The following PLEKHM2 variants were observed in gnomAD, a reference collection of about 807,000 sequenced individuals.
The protein encoded by PLEKHM2 is pleckstrin homology domain-containing family M member 2.
Under a neutral mutation model 116.3 loss-of-function variants are expected in PLEKHM2, and 77 were observed. That is an observed-to-expected ratio of 0.66 (90% CI 0.55 to 0.80). The LOEUF is 0.80. Among genes scored for constraint, PLEKHM2 ranks in the 30% least tolerant of loss-of-function variants. The probability of loss-of-function intolerance (pLI) is 0.00; values close to 1 mark genes in which losing one functional copy is unlikely to be tolerated. For missense variants in PLEKHM2, 1,183 were observed against 1,354.9 expected (o/e 0.87, Z 1.99); for synonymous variants, 562 against 571.0 (o/e 0.98, Z 0.22).
chr1:15,729,880 T>C lies in PLEKHM2; in HGVS notation c.2159T>C (p.Met720Thr), dbSNP rs775970955. The change falls in exon 14 of 20, where the codon ATG (methionine) becomes ACG (threonine). Residue 720 changes from methionine to threonine, a missense_variant. Physicochemically the swap from Met to Thr is moderately conservative, Grantham distance 81. Transcript: ENST00000375799. This position sits in a 1 kb window ranked among gnomAD's most constrained non-coding sequence, Gnocchi z 4.7. ...PYPSILTDATMEKLALAKFVA... is the reference protein window; with the variant it reads ...PYPSILTDATTEKLALAKFVA... ...CCCAGCATCCTGACGGATGCCACCA[T>C]GGAGAAGCTGGCACTGGCCAAATTT... is the stretch of plus-strand genomic sequence containing the variant. 1.9e-6 allele frequency: 3 copies of C among 1,613,242 alleles called. No individual in the cohort carries two copies. Among genetic ancestry groups the C allele is most frequent in the East Asian group, 2.2e-5 (1 of 44,874 alleles).
chr1:15,706,284 C>T (rs1349908913), intron 1 of PLEKHM2, among the ~76,000 whole-genome samples: 2 of 152,198 alleles, frequency 1.3e-5, no homozygotes, highest in African/African-American at 4.8e-5. Context: ...CCCTGAGCTC[C>T]AGCCACACCA....
At chr1:15,715,641 A>G (rs1641429366) in intron 1 of PLEKHM2, among the ~76,000 whole-genome samples, 1 of 152,206 alleles carries the variant, frequency 6.6e-6, no homozygotes, top group Non-Finnish European at 1.5e-5. Flanking sequence ...ACTTTGTCTC[A>G]ATAAAACAAA....
In PLEKHM2 at chr1:15,731,183, C is replaced by A. The variant is rs747230474; in HGVS notation, c.2400-9C>A. On this transcript the variant is annotated splice_polypyrimidine_tract_variant and intron_variant, in intron 15 of 19. Coordinates refer to ENST00000375799, the MANE Select transcript of PLEKHM2 (RefSeq NM_015164.4). ...CAGGCCTCACTCGCCCTGTGTTGTGCCCCTGCAGCAACGGGATCCTCTACC... is the reference window on the plus strand; with the variant it reads ...CAGGCCTCACTCGCCCTGTGTTGTGACCCTGCAGCAACGGGATCCTCTACC... The A allele has an allele frequency of 5.7e-6, 9 of 1,587,346 alleles. No individual in the cohort carries two copies. The highest frequency in any genetic ancestry group is 7.7e-6 in the Non-Finnish European group (9 of 1,165,660).
chr1:15,702,717 C>CT (rs34226783), intron 1 of PLEKHM2, among the ~76,000 whole-genome samples: 1,396 of 89,896 alleles, frequency 0.016, 43 homozygotes, highest in Non-Finnish European at 0.022. Flanking sequence ...CGTGCCCAGC[C>CT]TTTTTTTTTT....
chr1:15,721,012 G>A lies in PLEKHM2; in HGVS notation c.653-317G>A, dbSNP rs2067990375. 3 of 282,374 alleles carry A rather than the reference G, an allele frequency of 1.1e-5. No homozygotes were observed. Among genetic ancestry groups the A allele is most frequent in the Non-Finnish European group, 2.0e-5 (3 of 150,914 alleles). The allele number at this position is 282,374 out of a possible 1,614,324, so 17.5% of individuals were successfully genotyped here. ...TTGCCCTGCTAGGGTATGGAGGGAA[G>A]GCACGTAAGAGGTAGAAAACAAAGC... On this transcript the variant is annotated intron_variant, in intron 6 of 19. Transcript: ENST00000375799. The surrounding 1 kb of genome is among the most constrained non-coding windows in gnomAD (Gnocchi z 5.1).
Position 15,725,395 on chromosome 1 carries a change from G to A in PLEKHM2, c.791G>A (p.Ser264Asn). The change falls in exon 8 of 20, where the codon AGC becomes AAC. Residue 264 changes from serine to asparagine, a missense_variant. By Grantham distance (46) the Ser-to-Asn change is conservative. Coordinates refer to ENST00000375799, the MANE Select transcript of PLEKHM2 (RefSeq NM_015164.4). ...ACCAGCAGCAAGGCCTCCACCAGGA[G>A]CCCCACCCAGCGCCAGAACCCCTTC... Reference protein sequence around the residue: ...DLTSSKASTRSPTQRQNPFNE... With the variant: ...DLTSSKASTRNPTQRQNPFNE... 6.4e-7 allele frequency: 1 copy of A among 1,552,516 alleles called. No individual in the cohort carries two copies. The highest frequency in any genetic ancestry group is 8.7e-7 in the Non-Finnish European group (1 of 1,147,704).
rs761246997 is a variant in PLEKHM2, at chr1:15,716,856, C to G, written c.277+40C>G. ...GGAGACGCTGGGGAAGGGACCAGCT[C>G]CACCTTCGGTGGGTAGCTTGGGGCT... is the stretch of plus-strand genomic sequence containing the variant. On this transcript the variant is annotated intron_variant, in intron 3 of 19. Coordinates refer to ENST00000375799, the MANE Select transcript of PLEKHM2 (RefSeq NM_015164.4). 4 of 1,549,138 alleles carry G rather than the reference C, an allele frequency of 2.6e-6. No homozygotes were observed. In the South Asian group the frequency reaches 4.8e-5, roughly 18 times the overall value.
rs1402088553 is a variant in PLEKHM2, at chr1:15,729,387, C to T, written c.2075+197C>T. 6.6e-6 allele frequency among the ~76,000 whole-genome samples: 1 copy of T among 152,014 alleles called. No individual in the cohort carries two copies. Among genetic ancestry groups the T allele is most frequent in the Non-Finnish European group, 1.5e-5 (1 of 68,004 alleles). On this transcript the variant is annotated intron_variant, in intron 13 of 19. Coordinates refer to ENST00000375799, the MANE Select transcript of PLEKHM2 (RefSeq NM_015164.4). The surrounding 1 kb of genome is among the most constrained non-coding windows in gnomAD (Gnocchi z 4.7). Reference sequence around the variant, plus strand: ...AATCATAGGACTCATGTGGTCAGCCCAGGTGACCTCAGCCCCTGGCGACTC... The same window carrying T: ...AATCATAGGACTCATGTGGTCAGCCTAGGTGACCTCAGCCCCTGGCGACTC...
In PLEKHM2 at chr1:15,722,274, G is replaced by A. The variant is rs140530880; in HGVS notation, c.712+886G>A. 1.0e-3 allele frequency among the ~76,000 whole-genome samples: 155 copies of A among 152,340 alleles called. 2 individuals are homozygous for A. The East Asian group carries it at 0.023, about 23-fold the overall frequency. ...TTCTCCTGCCTCAGCCTCCCAAGTA[G>A]CTGGGATTACAGGTGTGTGCCACCA... On this transcript the variant is annotated intron_variant, in intron 7 of 19. Transcript: ENST00000375799.
At position 15,727,844 on chromosome 1, in the gene PLEKHM2, C is replaced by G. The variant is rs1353278187; in HGVS notation, c.1760+12C>G. On this transcript the variant is annotated intron_variant, in intron 9 of 19. Transcript: ENST00000375799. This position sits in a 1 kb window ranked among gnomAD's most constrained non-coding sequence, Gnocchi z 7.5. ...TCCTCGGAGTTCAGGTAACAAGACT[C>G]TGCAGCTGGCATGGGACTCTCCCAG... The G allele has an allele frequency of 6.5e-7, 1 of 1,536,142 alleles. No individual in the cohort carries two copies. The highest frequency in any genetic ancestry group is 8.8e-7 in the Non-Finnish European group (1 of 1,135,764).
In PLEKHM2 at chr1:15,727,438, G is replaced by T; in HGVS notation, c.1366G>T (p.Glu456Ter). ...PERPPLCDFS[E>*]GLSAPMDFYR... ...GAGGCCGCCGCTTTGCGACTTTAGT[G>T]AGGGGCTTTCAGCCCCAATGGACTT... Residue 456 changes from glutamate (E) to a stop codon, truncating the protein, a stop_gained, in exon 9 of 20, where the codon GAG (glutamate) becomes TAG (stop). Transcript: ENST00000375799. LOFTEE classifies it high-confidence loss of function. The surrounding 1 kb of genome is among the most constrained non-coding windows in gnomAD (Gnocchi z 7.5). 6.2e-7 allele frequency: 1 copy of T among 1,606,344 alleles called. No homozygotes were observed.
chr1:15,713,191 G>A (rs1051358234), intron 1 of PLEKHM2, among the ~76,000 whole-genome samples: 9 of 152,056 alleles, frequency 5.9e-5, no homozygotes, highest in African/African-American at 2.2e-4. Context: ...GGCCTCAAAC[G>A]ATCCTCCTGC....
chr1:15,688,556 G>T (rs1366891447), intron 1 of PLEKHM2, among the ~76,000 whole-genome samples: 1 of 151,706 alleles, frequency 6.6e-6, no homozygotes, highest in African/African-American at 2.4e-5. Context: ...GGAGGCTGAG[G>T]CAGGGAAGCA....
At chr1:15,682,311 C>T (rs563010686), upstream of PLEKHM2, among the ~76,000 whole-genome samples, 23 of 151,556 alleles carry the variant, frequency 1.5e-4, no homozygotes, top group Admixed American at 1.2e-3. Context: ...ATTAGCTGGG[C>T]GTGGTGGCAG....
intron 19 of PLEKHM2, 120 bp downstream of exon 19, chr1:15,732,848 G>T: frequency 1.5e-6 from 1 of 679,454 alleles, no homozygotes; most frequent in Non-Finnish European, 2.5e-6. Context: ...CCTGGGCACA[G>T]CCATGTACCA....
At chr1:15,686,012 A>C (rs1640762403) in intron 1 of PLEKHM2, among the ~76,000 whole-genome samples, 1 of 152,232 alleles carries the variant, frequency 6.6e-6, no homozygotes, top group Non-Finnish European at 1.5e-5. Context: ...TTGTGGCTTT[A>C]GGTAGGCCCG....
chr1:15,708,522 G>A (rs1641270406), intron 1 of PLEKHM2, among the ~76,000 whole-genome samples: 1 of 152,176 alleles, frequency 6.6e-6, no homozygotes, highest in Non-Finnish European at 1.5e-5. Context: ...GTCCGGAACG[G>A]CATTTTTCTT....
At chr1:15,683,280 C>T (rs1640683842), upstream of PLEKHM2, among the ~76,000 whole-genome samples, 1 of 151,030 alleles carries the variant, frequency 6.6e-6, no homozygotes, top group Non-Finnish European at 1.5e-5. Context: ...GTCCTCCAGG[C>T]TGCGAAAGCC....
intron 7 of PLEKHM2, chr1:15,722,711 G>C (rs1480764279): frequency 6.6e-6 from 1 of 152,336 alleles, no homozygotes; most frequent in Middle Eastern, 3.4e-3. Flanking sequence ...ATGACACTTG[G>C]CCAAGAGTAG....
Sources: allele counts gnomAD v4.1 joint callset (sites outside exome capture counted in the v4.1 genomes callset), GRCh38; gene constraint gnomAD v4.1.1; non-coding constraint Gnocchi (gnomAD v3.1); transcripts MANE v1.5; gene names NCBI Gene and HGNC (gene_info 2026-07-23, HGNC 2026-07-21).